Variants in RRP1B observed in about 807,000 individuals in gnomAD.
RRP1B encodes ribosomal RNA processing 1B.
Under a neutral mutation model 80.2 loss-of-function variants are expected in RRP1B, and 56 were observed. That is an observed-to-expected ratio of 0.70 (90% confidence interval 0.56 to 0.87). The LOEUF is 0.87. Ranked by LOEUF, RRP1B falls within the 40% of genes least tolerant of loss-of-function variation. The pLI is 0.00. For synonymous variants in RRP1B, 351 were observed against 357.6 expected (o/e 0.98, Z 0.21); for missense variants, 807 against 939.8 (o/e 0.86, Z 1.85).
At chr21:43,660,772 G>A (rs1166983145) in intron 1 of RRP1B, among the ~76,000 whole-genome samples, 1 of 152,098 alleles carries the variant, frequency 6.6e-6, no homozygotes, top group East Asian at 1.9e-4. Flanking sequence ...ATAAGTTGGG[G>A]TTGGGGGGGC....
chr21:43,666,989 C>T (rs929251173), intron 1 of RRP1B, among the ~76,000 whole-genome samples: 1 of 151,824 alleles, frequency 6.6e-6, no homozygotes, highest in African/African-American at 2.4e-5. Flanking sequence ...TCCTCTGTCC[C>T]CTGTATTTCC....
intron 1 of RRP1B, among the ~76,000 whole-genome samples, chr21:43,662,231 C>A (rs9984711): frequency 2.0e-4 from 31 of 152,108 alleles, no homozygotes; most frequent in Admixed American, 2.0e-3. Flanking sequence ...AGAGGTTATG[C>A]GGGGGCCTAA....
intron 11 of RRP1B, 49 bp from the exon 12 acceptor site, chr21:43,686,755 G>A (rs1227199136): frequency 1.2e-6 from 2 of 1,607,504 alleles, no homozygotes; most frequent in Admixed American, 3.4e-5. Context: ...CCCTGGGGCA[G>A]AGTCTTGAGC....
At chr21:43,661,848 C>G (rs554989933) in intron 1 of RRP1B, among the ~76,000 whole-genome samples, 16 of 152,326 alleles carry the variant, frequency 1.1e-4, no homozygotes, top group African/African-American at 3.4e-4. Context: ...CACCTCTCTG[C>G]CTTTGCTTCT....
chr21:43,672,730 G>A (rs948576171), intron 3 of RRP1B, among the ~76,000 whole-genome samples: 6 of 152,074 alleles, frequency 3.9e-5, no homozygotes, highest in Non-Finnish European at 5.9e-5. Context: ...AGACACCACC[G>A]GTCACAGACT....
At position 43,691,559 on chromosome 21, in the gene RRP1B, G is replaced by A. The variant is rs1423353777; in HGVS notation, c.2083+57G>A. ...CTGGAGCACAGCTGCAGCTCCTGGC[G>A]CGGCTCGCAGCCTGGTTCCACAAGG... is the stretch of plus-strand genomic sequence containing the variant. On this transcript the variant is annotated intron_variant, in intron 15 of 15. Coordinates refer to ENST00000340648, the MANE Select transcript of RRP1B (RefSeq NM_015056.3). This position sits in a 1 kb window ranked among gnomAD's most constrained non-coding sequence, Gnocchi z 4.2. 23 of 1,511,182 alleles carry A rather than the reference G, an allele frequency of 1.5e-5. No homozygotes were observed. The highest frequency in any genetic ancestry group is 2.3e-5 in the East Asian group (1 of 44,442). 93.6% of individuals were successfully genotyped at this position (1,511,182 alleles called of 1,614,324 possible).
rs1463367131 is a variant in RRP1B at position 43,694,151 on chromosome 21, T to TG, written c.*769dup. Reference sequence around the variant, plus strand: ...GTGCTGAGCCTTCTGCTGAGGTCCTTGCGTGGAGCACACTCATTCCTCCAA... The same window carrying TG: ...GTGCTGAGCCTTCTGCTGAGGTCCTTGGCGTGGAGCACACTCATTCCTCCAA... On this transcript the variant is annotated 3_prime_UTR_variant, in exon 16 of 16. Coordinates refer to ENST00000340648, the MANE Select transcript of RRP1B (RefSeq NM_015056.3). The TG allele has an allele frequency of 1.3e-5, 2 of 152,570 alleles. No individual in the cohort carries two copies. Among genetic ancestry groups the TG allele is most frequent in the Non-Finnish European group, 1.5e-5 (1 of 68,200 alleles). The allele number at this position is 152,570 out of a possible 1,614,324, so 9.5% of individuals were successfully genotyped here.
At chr21:43,690,970 G>A (rs929302714) in intron 14 of RRP1B, among the ~76,000 whole-genome samples, 2 of 152,196 alleles carry the variant, frequency 1.3e-5, no homozygotes, top group Non-Finnish European at 2.9e-5. Context: ...TTCCATCATA[G>A]GCATCGTCTC....
intron 1 of RRP1B, among the ~76,000 whole-genome samples, chr21:43,664,802 A>G (rs911021562): frequency 1.3e-5 from 2 of 152,350 alleles, no homozygotes; most frequent in Middle Eastern, 3.4e-3. Flanking sequence ...AAGGCAGGTC[A>G]TCCATGGCGG....
intron 8 of RRP1B, among the ~76,000 whole-genome samples, chr21:43,680,173 C>T (rs1195749995): frequency 3.3e-5 from 5 of 152,016 alleles, no homozygotes; most frequent in East Asian, 1.9e-4. Context: ...GTTTGGATGC[C>T]GTTTATTTCT....
At chr21:43,662,082 G>A (rs1200225200) in intron 1 of RRP1B, among the ~76,000 whole-genome samples, 1 of 152,252 alleles carries the variant, frequency 6.6e-6, no homozygotes, top group East Asian at 1.9e-4. Context: ...TTAGCCAGAA[G>A]TGGGAGTACA....
chr21:43,682,682 C>T (rs1379117771), intron 8 of RRP1B, among the ~76,000 whole-genome samples: 1 of 152,228 alleles, frequency 6.6e-6, no homozygotes, highest in African/African-American at 2.4e-5. Context: ...TGCACCGCAG[C>T]CTTCGTCCTA....
chr21:43,680,130 C>T (rs777993269), intron 8 of RRP1B, among the ~76,000 whole-genome samples: 4 of 152,134 alleles, frequency 2.6e-5, no homozygotes, highest in East Asian at 3.8e-4. Context: ...ATTGTATCAT[C>T]GGCAAACACG....
At position 43,675,170 on chromosome 21, in the gene RRP1B, A is replaced by G. The variant is rs1417876437; in HGVS notation, c.549+7A>G. 1 of 1,613,324 alleles carries G rather than the reference A, an allele frequency of 6.2e-7. No individual in the cohort carries two copies. The highest frequency in any genetic ancestry group is 8.5e-7 in the Non-Finnish European group (1 of 1,179,862). On this transcript the variant is annotated splice_region_variant and intron_variant, in intron 6 of 15. Transcript: ENST00000340648. ...CAAAGTCGGGGGGAAGGAGGTAAGC[A>G]GCTGCCGACAGGCTGCCCACGGGGT...
intron 8 of RRP1B, among the ~76,000 whole-genome samples, chr21:43,677,872 G>A (rs9977028): frequency 0.093 from 14,163 of 152,192 alleles, 2,194 homozygotes; most frequent in African/African-American, 0.32. Flanking sequence ...TATTCACGGT[G>A]TATATTCCGC....
chr21:43,680,124 TA>T (rs1272177621), intron 8 of RRP1B, among the ~76,000 whole-genome samples: 1 of 152,212 alleles, frequency 6.6e-6, no homozygotes. Flanking sequence ...TATATGATTG[TA>T]TCATCGGCAA....
At chr21:43,667,249 G>C (rs2082981868) in intron 1 of RRP1B, among the ~76,000 whole-genome samples, 1 of 152,188 alleles carries the variant, frequency 6.6e-6, no homozygotes, top group South Asian at 2.1e-4. Context: ...TTGTTTGAGA[G>C]ACAGAGTTGC....
chr21:43,661,177 C>T (rs2082954944), intron 1 of RRP1B, among the ~76,000 whole-genome samples: 1 of 152,124 alleles, frequency 6.6e-6, no homozygotes, highest in Admixed American at 6.5e-5. Context: ...AAGAATCTCC[C>T]CAAGAGATTT....
At position 43,693,486 on chromosome 21, in the gene RRP1B, T is replaced by A; in HGVS notation, c.*103T>A. 1.6e-6 allele frequency: 2 copies of A among 1,216,300 alleles called. No individual in the cohort carries two copies. The highest frequency in any genetic ancestry group is 2.2e-6 in the Non-Finnish European group (2 of 908,976). 75.3% of individuals were successfully genotyped at this position (1,216,300 alleles called of 1,614,324 possible). On this transcript the variant is annotated 3_prime_UTR_variant, in exon 16 of 16. Coordinates refer to ENST00000340648, the MANE Select transcript of RRP1B (RefSeq NM_015056.3). The surrounding 1 kb of genome is among the most constrained non-coding windows in gnomAD (Gnocchi z 4.1). ...TTTTTTATGATTTTGTAAGTTCCCA[T>A]AAGTTGTGTGCACGAGGTTCTGAGA...
Sources: allele counts gnomAD v4.1 joint callset (sites outside exome capture counted in the v4.1 genomes callset), GRCh38; gene constraint gnomAD v4.1.1; non-coding constraint Gnocchi (gnomAD v3.1); transcripts MANE v1.5; gene names NCBI Gene and HGNC (gene_info 2026-07-23, HGNC 2026-07-21).